Variants in GALNT13 observed in about 807,000 individuals in gnomAD.
GALNT13 encodes UDP-GalNAc:polypeptide N-acetylgalactosaminyltransferase 13.
In GALNT13, 28 loss-of-function variants were observed where a neutral mutation model predicts 64.2. The ratio of observed to expected loss-of-function variants is 0.44; its 90% CI spans 0.32 to 0.60. The LOEUF is 0.60. GALNT13 is among the 20% of genes least tolerant of loss of function. GALNT13 has a pLI of 0.05. For missense variants in GALNT13, 577 were observed against 669.8 expected, an observed-to-expected ratio of 0.86 and a Z score of 1.53; for synonymous variants, 214 against 224.6, an observed-to-expected ratio of 0.95 and a Z score of 0.42.
chr2:153,264,843 T>C, the GALNT13 span, among the ~76,000 whole-genome samples: 1 of 152,148 alleles, frequency 6.6e-6, no homozygotes, highest in Non-Finnish European at 1.5e-5. Context: ...CATGCTGGGC[T>C]TAATACCTAG....
the GALNT13 span, among the ~76,000 whole-genome samples, chr2:153,308,379 T>C: frequency 6.6e-6 from 1 of 152,182 alleles, no homozygotes; most frequent in South Asian, 2.1e-4. Context: ...TTTGTGTGAT[T>C]CTTCTATCTC....
At chr2:153,138,377 A>G in the GALNT13 span, among the ~76,000 whole-genome samples, 2 of 152,102 alleles carry the variant, frequency 1.3e-5, no homozygotes, top group African/African-American at 4.8e-5. Context: ...ATACTTAAAC[A>G]GGATATTCAG....
chr2:153,528,445 G>C, the GALNT13 span, among the ~76,000 whole-genome samples: 1 of 151,878 alleles, frequency 6.6e-6, no homozygotes, highest in Non-Finnish European at 1.5e-5. Flanking sequence ...TATTATTAGA[G>C]CTAAAGAGAG....
chr2:153,560,192 T>G, the GALNT13 span, among the ~76,000 whole-genome samples: 1 of 152,058 alleles, frequency 6.6e-6, no homozygotes, highest in East Asian at 1.9e-4. Flanking sequence ...TGATCTGGGC[T>G]CTAATGGTAT....
the GALNT13 span, among the ~76,000 whole-genome samples, chr2:153,766,091 T>C: frequency 6.6e-6 from 1 of 152,202 alleles, no homozygotes; most frequent in Non-Finnish European, 1.5e-5. Flanking sequence ...GACGTCTTTA[T>C]TTTTGTCTTA....
At chr2:154,236,234 G>T in intron 4 of GALNT13, 1 of 870,266 alleles carries the variant, frequency 1.1e-6, no homozygotes. Flanking sequence ...TTAACCTCAT[G>T]CATCATATTT....
intron 4 of GALNT13, among the ~76,000 whole-genome samples, chr2:154,174,585 AAAG>A (rs1460063499): frequency 7.9e-5 from 12 of 152,156 alleles, no homozygotes; most frequent in Admixed American, 1.3e-4. Context: ...CTTTCTAGTC[AAAG>A]AAGGTTTTTA....
At chr2:154,063,708 A>C (rs549910273) in intron 3 of GALNT13, among the ~76,000 whole-genome samples, 6 of 152,342 alleles carry the variant, frequency 3.9e-5, no homozygotes, top group African/African-American at 9.6e-5. Context: ...TTAAATAATC[A>C]TACAATTTTA....
chr2:153,693,188 A>G, the GALNT13 span, among the ~76,000 whole-genome samples: 1 of 152,174 alleles, frequency 6.6e-6, no homozygotes, highest in African/African-American at 2.4e-5. Flanking sequence ...GATCTCTGGT[A>G]CTTGAAATTT....
At chr2:153,614,411 A>G in the GALNT13 span, among the ~76,000 whole-genome samples, 15 of 152,160 alleles carry the variant, frequency 9.9e-5, no homozygotes, top group African/African-American at 3.1e-4. Context: ...ATCATTATAT[A>G]TCATTATCAT....
rs1701893614 is a variant in GALNT13, at chr2:154,452,093, T to C, written c.*1542T>C. On this transcript the variant is annotated 3_prime_UTR_variant, in exon 13 of 13. Transcript: ENST00000392825. ...TTTGCCACTGGTATTCCTTCCTCTT[T>C]TGACTTTTTATTGGTACAACTGTAG... is the stretch of plus-strand genomic sequence containing the variant. The C allele has an allele frequency of 6.6e-6, 1 of 152,134 alleles. No individual in the cohort carries two copies. The highest frequency in any genetic ancestry group is 1.5e-5 in the Non-Finnish European group (1 of 68,028). The allele number at this position is 152,134 out of a possible 1,614,324, so 9.4% of individuals were successfully genotyped here.
At chr2:154,037,455 G>A (rs1229954858) in intron 3 of GALNT13, among the ~76,000 whole-genome samples, 2 of 152,122 alleles carry the variant, frequency 1.3e-5, no homozygotes, top group Admixed American at 6.6e-5. Flanking sequence ...AACTAGACAA[G>A]GATGCCTCCT....
chr2:153,674,800 A>G, the GALNT13 span, among the ~76,000 whole-genome samples: 1 of 152,212 alleles, frequency 6.6e-6, no homozygotes, highest in Non-Finnish European at 1.5e-5. Context: ...CAATCTATCC[A>G]TCTGACAAAG....
the GALNT13 span, among the ~76,000 whole-genome samples, chr2:153,070,782 A>G: frequency 6.6e-6 from 1 of 152,116 alleles, no homozygotes; most frequent in Admixed American, 6.6e-5. Flanking sequence ...GACTCTGTAT[A>G]TATTTATTAC....
Position 154,017,115 on chromosome 2 carries a change from A to C in GALNT13, c.142+72476A>C, listed in dbSNP as rs375949052. Among the ~76,000 whole-genome samples, 2 of 152,190 alleles carry C rather than the reference A, an allele frequency of 1.3e-5. 1 individual carries two copies. The highest frequency in any genetic ancestry group is 1.3e-4 in the Admixed American group (2 of 15,278). ...GAAGAACAGATAACAGAGTATCCACAGGGAGCTGTATCCCAGAAAGGGCAC... is the reference window on the plus strand; with the variant it reads ...GAAGAACAGATAACAGAGTATCCACCGGGAGCTGTATCCCAGAAAGGGCAC... On this transcript the variant is annotated intron_variant, in intron 3 of 12. Coordinates refer to ENST00000392825, the MANE Select transcript of GALNT13 (RefSeq NM_052917.4).
the GALNT13 span, among the ~76,000 whole-genome samples, chr2:153,383,954 A>T: frequency 7.2e-5 from 11 of 152,228 alleles, no homozygotes; most frequent in South Asian, 1.9e-3. Flanking sequence ...GTGAGCTAAC[A>T]TGAAAAGTAA....
intron 3 of GALNT13, among the ~76,000 whole-genome samples, chr2:154,014,867 A>G (rs928495096): frequency 3.3e-5 from 5 of 151,626 alleles, no homozygotes; most frequent in Admixed American, 2.0e-4. Context: ...TCCTGACCTC[A>G]TGATCTGCCC....
chr2:154,002,375 A>G (rs1424758857), intron 3 of GALNT13, among the ~76,000 whole-genome samples: 1 of 150,528 alleles, frequency 6.6e-6, no homozygotes, highest in African/African-American at 2.4e-5. Context: ...TCCTCTTCTC[A>G]TTGGATAAAT....
At chr2:154,306,437 C>A (rs1693736538) in intron 9 of GALNT13, among the ~76,000 whole-genome samples, 1 of 151,964 alleles carries the variant, frequency 6.6e-6, no homozygotes, top group Non-Finnish European at 1.5e-5. Context: ...CATTCTGTAA[C>A]CACACAGCAG....
Sources: gnomAD v4.1 joint callset for allele counts (sites outside exome capture counted in the v4.1 genomes callset) on GRCh38, gnomAD v4.1.1 for gene constraint, MANE v1.5 for transcripts, NCBI Gene and HGNC (gene_info 2026-07-23, HGNC 2026-07-21) for gene names.